SP3: variants seen among roughly 807,000 people sequenced by gnomAD.
SP3 encodes Sp3 transcription factor, also known as transcription factor Sp3.
A neutral mutation model predicts 70.3 loss-of-function variants in SP3; 10 were observed. The observed-to-expected ratio is 0.14, with a 90% confidence interval of 0.09 to 0.24. The LOEUF (loss-of-function observed/expected upper bound fraction) is 0.24, where lower values mean the gene tolerates loss of function less well. Among genes scored for constraint, SP3 ranks in the 10% least tolerant of loss-of-function variants. SP3 has a pLI of 1.00. For synonymous variants in SP3, 402 were observed against 333.5 expected (o/e 1.21, Z -2.24); for missense variants, 825 against 914.6 (o/e 0.90, Z 1.26).
At chr2:173,920,084 G>GC (rs11382552) in intron 4 of SP3, among the ~76,000 whole-genome samples, 6,594 of 151,794 alleles carry the variant, frequency 0.043, 400 homozygotes, top group African/African-American at 0.13. Context: ...AACAAAAGAA[G>GC]CCCCCCCGCA....
At chr2:173,958,060 G>A (rs1690950035) in intron 3 of SP3, among the ~76,000 whole-genome samples, 1 of 152,012 alleles carries the variant, frequency 6.6e-6, no homozygotes, top group Non-Finnish European at 1.5e-5. Context: ...CTACACTAAA[G>A]TGTGTCTAAA....
At chr2:173,953,760 T>C (rs1169267362) in intron 4 of SP3, among the ~76,000 whole-genome samples, 1 of 138,728 alleles carries the variant, frequency 7.2e-6, no homozygotes, top group Non-Finnish European at 1.5e-5. Flanking sequence ...AGAGCGAGAC[T>C]CCATCTCAAA....
At chr2:173,929,753 A>G (rs1036572005) in intron 4 of SP3, among the ~76,000 whole-genome samples, 1 of 152,194 alleles carries the variant, frequency 6.6e-6, no homozygotes, top group African/African-American at 2.4e-5. Flanking sequence ...AAGTGAAGTG[A>G]GCATCAGAGA....
At chr2:173,948,264 TCA>T (rs1390386941) in intron 4 of SP3, among the ~76,000 whole-genome samples, 1 of 152,190 alleles carries the variant, frequency 6.6e-6, no homozygotes, top group African/African-American at 2.4e-5. Context: ...CCATAGTCAA[TCA>T]CAGTCTGAAA....
At chr2:173,917,387 G>A (rs908087691) in intron 5 of SP3, among the ~76,000 whole-genome samples, 1 of 152,098 alleles carries the variant, frequency 6.6e-6, no homozygotes, top group South Asian at 2.1e-4. Context: ...TTGGGAGGCA[G>A]TATAGTTTAA....
Position 173,963,892 on chromosome 2 carries a change from A to G in SP3, c.157-9T>C. The stretch of plus-strand genomic sequence containing the variant: ...GGTGACGGCTGAGTGTCCTACCCCC[A>G]ATGGGCGGGTTCAGAGAGGGAGACA... On this transcript the variant is annotated splice_polypyrimidine_tract_variant and intron_variant, in intron 2 of 6. Coordinates refer to ENST00000310015, the MANE Select transcript of SP3 (RefSeq NM_003111.5). The G allele has an allele frequency of 6.7e-7, 1 of 1,485,754 alleles. No homozygotes were observed. The highest frequency in any genetic ancestry group is 1.5e-5 in the African/African-American group (1 of 68,550). 92.0% of individuals were successfully genotyped at this position (1,485,754 alleles called of 1,614,324 possible). A position where few individuals can be genotyped will look rare whatever the true frequency, so the allele number is the denominator to read the frequency against.
intron 4 of SP3, among the ~76,000 whole-genome samples, chr2:173,951,979 T>C (rs1320951406): frequency 6.6e-6 from 1 of 152,186 alleles, no homozygotes; most frequent in African/African-American, 2.4e-5. Flanking sequence ...ATTAAGAAGG[T>C]ATCAAGCTCA....
intron 4 of SP3, among the ~76,000 whole-genome samples, chr2:173,935,968 T>TCTTC: frequency 6.6e-6 from 1 of 150,918 alleles, no homozygotes; most frequent in East Asian, 2.0e-4. Context: ...TGTCTGGCAT[T>TCTTC]CTTCCTTCCT....
At chr2:173,923,079 T>C (rs1253912543) in intron 4 of SP3, among the ~76,000 whole-genome samples, 1 of 152,172 alleles carries the variant, frequency 6.6e-6, no homozygotes, top group Non-Finnish European at 1.5e-5. Context: ...TGCAAAAAAT[T>C]TAAGCAATGA....
chr2:173,936,961 C>G (rs72911179), intron 4 of SP3, among the ~76,000 whole-genome samples: 4,523 of 152,188 alleles, frequency 0.03, 111 homozygotes, highest in Middle Eastern at 0.058. Context: ...CTGTATCATG[C>G]AATTTAGTGA....
chr2:173,916,018 A>G (rs1334840706), intron 5 of SP3: 1 of 152,086 alleles, frequency 6.6e-6, no homozygotes, highest in Non-Finnish European at 1.5e-5. Context: ...TTTAATTACT[A>G]TCTGTATCAA....
chr2:173,963,934 GT>G, intron 2 of SP3, 51 bp from the exon 3 acceptor site: 1 of 1,316,524 alleles, frequency 7.6e-7, no homozygotes, highest in Non-Finnish European at 1.0e-6. Flanking sequence ...GGGGGTGGCG[GT>G]TAGGGTCGGG....
At chr2:173,935,167 CG>C in intron 4 of SP3, among the ~76,000 whole-genome samples, 1 of 152,192 alleles carries the variant, frequency 6.6e-6, no homozygotes, top group South Asian at 2.1e-4. Flanking sequence ...CCAGGAGGTT[CG>C]GGGCTGCAGT....
In SP3 at chr2:173,955,830, T is replaced by C. The variant is rs1273573616; in HGVS notation, c.682A>G (p.Ile228Val). 6.2e-7 allele frequency: 1 copy of C among 1,614,056 alleles called. No homozygotes were observed. Among genetic ancestry groups the C allele is most frequent in the Non-Finnish European group, 8.5e-7 (1 of 1,179,896 alleles). ...GTPSANIQNL[I>V]PQTGQVQVQG... ...ACCTGGACTTGACCAGTCTGTGGTA[T>C]GAGATTCTGGATGTTAGCAGAAGGT... Residue 228 changes from isoleucine (I) to valine (V), a missense_variant, in exon 4 of 7, where the codon ATA becomes GTA. Ile to Val is a conservative substitution (Grantham distance 29). Transcript: ENST00000310015.
In SP3 at chr2:173,908,174, G is replaced by A. The variant is rs1689381229; in HGVS notation, c.*1767C>T. The A allele has an allele frequency of 6.6e-6, 1 of 151,984 alleles. No individual in the cohort carries two copies. The highest frequency in any genetic ancestry group is 2.1e-4 in the South Asian group (1 of 4,828). The allele number at this position is 151,984 out of a possible 1,614,324, so 9.4% of individuals were successfully genotyped here. A position where few individuals can be genotyped will look rare whatever the true frequency, so the allele number is the denominator to read the frequency against. On this transcript the variant is annotated 3_prime_UTR_variant, in exon 7 of 7. Transcript: ENST00000310015. Reference sequence around the variant, plus strand: ...ACCAACGCTTGTCTTATCATTTTCAGGAGTCTTAATGTAAATTCAGGTTTT... The same window carrying A: ...ACCAACGCTTGTCTTATCATTTTCAAGAGTCTTAATGTAAATTCAGGTTTT...
At chr2:173,936,294 C>G (rs942654118) in intron 4 of SP3, among the ~76,000 whole-genome samples, 3 of 152,190 alleles carry the variant, frequency 2.0e-5, no homozygotes, top group African/African-American at 7.2e-5. Flanking sequence ...GCTGGGATTA[C>G]AGGTGTGAAC....
chr2:173,918,565 A>AAT (rs1296272148), intron 5 of SP3, 28 bp downstream of exon 5: 1 of 1,593,548 alleles, frequency 6.3e-7, no homozygotes, highest in South Asian at 1.1e-5. Flanking sequence ...CACTCTTAAA[A>AAT]ATATATATGT....
At chr2:173,921,199 T>C (rs1559092962) in intron 4 of SP3, among the ~76,000 whole-genome samples, 1 of 152,224 alleles carries the variant, frequency 6.6e-6, no homozygotes, top group Non-Finnish European at 1.5e-5. Context: ...ACAATTTTTT[T>C]GCTTTACCTC....
At chr2:173,958,536 G>C (rs898429088) in intron 3 of SP3, among the ~76,000 whole-genome samples, 2 of 147,796 alleles carry the variant, frequency 1.4e-5, no homozygotes, top group Non-Finnish European at 3.0e-5. Flanking sequence ...GAATAAGCCT[G>C]AAATGAAAAG....
Sources: gnomAD v4.1 joint callset for allele counts (sites outside exome capture counted in the v4.1 genomes callset) on GRCh38, gnomAD v4.1.1 for gene constraint, MANE v1.5 for transcripts, NCBI Gene and HGNC (gene_info 2026-07-23, HGNC 2026-07-21) for gene names.